The following USP39 variants were observed in gnomAD, a reference collection of about 807,000 sequenced individuals.
USP39 encodes ubiquitin carboxyl-terminal hydrolase 39.
USP39 carries 38 observed loss-of-function variants against 66.4 expected under a neutral mutation model. The observed-to-expected ratio is 0.57, with a 90% CI of 0.44 to 0.75. The LOEUF is 0.75. USP39 is among the 30% of genes least tolerant of loss of function. The pLI, the probability that USP39 is intolerant of heterozygous loss-of-function variation, is 0.00. For synonymous variants in USP39, 303 were observed against 274.6 expected (o/e 1.10, Z -1.02); for missense variants, 608 against 714.4 (o/e 0.85, Z 1.70).
chr2:85,631,458 G>A (rs943248121), intron 6 of USP39, among the ~76,000 whole-genome samples: 2 of 151,824 alleles, frequency 1.3e-5, no homozygotes, highest in African/African-American at 4.8e-5. Flanking sequence ...ATGATTACAG[G>A]CATGAGCCAC....
chr2:85,630,782 T>C lies in USP39; in HGVS notation c.785T>C (p.Ile262Thr). 1 of 1,614,200 alleles carries C rather than the reference T, an allele frequency of 6.2e-7. No homozygotes were observed. The change falls in exon 6 of 13, where the codon ATC becomes ACC. Residue 262 changes from isoleucine to threonine, a missense_variant. Around this residue, in one of 6 missense-constraint regions of USP39, gnomAD observed 33 missense variants for 21.7 expected, o/e 1.52. Coordinates refer to ENST00000323701, the MANE Select transcript of USP39 (RefSeq NM_006590.4). ...CTGGAAGAAGACAATTATAAGAACATCAAACGTCCTCCAGGGGATATCATG... is the reference window on the plus strand; with the variant it reads ...CTGGAAGAAGACAATTATAAGAACACCAAACGTCCTCCAGGGGATATCATG... ...YFLEEDNYKN[I>T]KRPPGDIMFL...
chr2:85,621,619 A>G (rs779538974), intron 3 of USP39, 40 bp downstream of exon 3: 1 of 1,425,800 alleles, frequency 7.0e-7, no homozygotes. Context: ...TCTGCTCCAG[A>G]GGGACTTTTT....
chr2:85,641,163 G>T lies in USP39; in HGVS notation c.1427+45G>T, dbSNP rs375433283. 1.0e-5 allele frequency: 16 copies of T among 1,604,230 alleles called. No homozygotes were observed. The South Asian group carries it at 1.8e-4, about 18-fold the overall frequency. On this transcript the variant is annotated intron_variant, in intron 10 of 12. Transcript: ENST00000323701. ...ACTTCTCTCACGGGGAGTGAACCTG[G>T]ATTTCTTCTCTTGTATTTTTACCAG...
rs763297712 is a variant in USP39, at chr2:85,645,051, G to A, written c.1531G>A (p.Glu511Lys). Residue 511 changes from glutamate to lysine, a missense_variant, in exon 11 of 13, where the codon GAG (glutamate) becomes AAG (lysine). Glu to Lys is a moderately conservative substitution (Grantham distance 56). Transcript: ENST00000323701. Reference sequence around the variant, plus strand: ...CATCGTGCATGACGGCAAGCCCTCCGAGGGCTCCTACCGGATCCACGTGCT... The same window carrying A: ...CATCGTGCATGACGGCAAGCCCTCCAAGGGCTCCTACCGGATCCACGTGCT... ...ANIVHDGKPS[E>K]GSYRIHVLHH... The A allele has an allele frequency of 1.9e-5, 31 of 1,613,938 alleles. No individual in the cohort carries two copies. The highest frequency in any genetic ancestry group is 5.3e-5 in the African/African-American group (4 of 74,892).
At position 85,621,522 on chromosome 2, in the gene USP39, A is replaced by G. The variant is rs1450929860; in HGVS notation, c.376A>G (p.Ile126Val). 5 of 1,613,876 alleles carry G rather than the reference A, an allele frequency of 3.1e-6. No homozygotes were observed. The highest frequency in any genetic ancestry group is 3.4e-6 in the Non-Finnish European group (4 of 1,179,984). Residue 126 changes from isoleucine to valine, a missense_variant, in exon 3 of 13, where the codon ATC (isoleucine) becomes GTC (valine). By Grantham distance (29) the Ile-to-Val change is conservative. This residue lies in a region of USP39 where 115 missense variants were observed against 198.6 expected (regional missense o/e 0.58). Coordinates refer to ENST00000323701, the MANE Select transcript of USP39 (RefSeq NM_006590.4). ...CTTTGACTTTGAGAAACTGTGTTCT[A>G]TCTCCCTCTCACACATCAATGCTTA... Reference protein sequence around the residue: ...LDFDFEKLCSISLSHINAYAC... With the variant: ...LDFDFEKLCSVSLSHINAYAC...
At chr2:85,607,560 C>G (rs1033449237), upstream of USP39, 4 of 152,208 alleles carry the variant, frequency 2.6e-5, no homozygotes, top group African/African-American at 9.7e-5. Flanking sequence ...ATTCCTTTGG[C>G]ATTGCGAGCT....
chr2:85,638,955 A>T (rs1048394640), intron 8 of USP39, among the ~76,000 whole-genome samples: 23 of 151,896 alleles, frequency 1.5e-4, no homozygotes, highest in Admixed American at 9.2e-4. Context: ...TACAGCCGTG[A>T]GCCATCACAC....
chr2:85,648,845 C>A lies in USP39; in HGVS notation c.*37C>A. On this transcript the variant is annotated 3_prime_UTR_variant, in exon 13 of 13. Coordinates refer to ENST00000323701, the MANE Select transcript of USP39 (RefSeq NM_006590.4). ...AGGGCTTTGCTCCCAAGGGCTGTGGCTGATGATGGTAAATAAGAACACAGA... is the reference window on the plus strand; with the variant it reads ...AGGGCTTTGCTCCCAAGGGCTGTGGATGATGATGGTAAATAAGAACACAGA... The A allele has an allele frequency of 6.2e-7, 1 of 1,612,000 alleles. No homozygotes were observed. The highest frequency in any genetic ancestry group is 8.5e-7 in the Non-Finnish European group (1 of 1,178,914).
chr2:85,627,476 G>C (rs558039066), intron 5 of USP39, among the ~76,000 whole-genome samples: 2 of 152,014 alleles, frequency 1.3e-5, no homozygotes, highest in African/African-American at 4.8e-5. Context: ...ATAAACACAG[G>C]CTTATTGGGG....
chr2:85,603,922 G>A (rs999099652), intron 1 of USP39, among the ~76,000 whole-genome samples: 1 of 152,178 alleles, frequency 6.6e-6, no homozygotes, highest in African/African-American at 2.4e-5. Context: ...TGCAAGGGTG[G>A]AAATACTTTC....
chr2:85,614,370 C>T (rs914948023), upstream of USP39, among the ~76,000 whole-genome samples: 26 of 151,964 alleles, frequency 1.7e-4, no homozygotes, highest in Admixed American at 9.2e-4. Context: ...AAAAATTAGC[C>T]GGGCATGGTG....
rs900244489 is a variant in USP39 at position 85,633,982 on chromosome 2, C to T, written c.950-2071C>T. On this transcript the variant is annotated intron_variant, in intron 6 of 12. Transcript: ENST00000323701. ...CCTCCCAAGTAGCTGGGACTACAGG[C>T]GCCCGCCACTACGCCCGGCTAATTT... Among the ~76,000 whole-genome samples the T allele has an allele frequency of 7.5e-4, 112 of 149,218 alleles. 1 individual carries two copies. The highest frequency in any genetic ancestry group is 1.9e-4 in the Non-Finnish European group (13 of 66,982).
Position 85,648,884 on chromosome 2 carries a change from C to T in USP39, c.*76C>T. 1 of 1,578,496 alleles carries T rather than the reference C, an allele frequency of 6.3e-7. No individual in the cohort carries two copies. The highest frequency in any genetic ancestry group is 1.1e-5 in the South Asian group (1 of 89,964). The stretch of plus-strand genomic sequence containing the variant: ...TAAGAACACAGAAGCTGTAGCTGAA[C>T]ACAGGCTGGCTGGTGGGCTTCCTAG... On this transcript the variant is annotated 3_prime_UTR_variant, in exon 13 of 13. Transcript: ENST00000323701.
chr2:85,639,092 C>G (rs1425227782), intron 8 of USP39, 111 bp from the exon 9 acceptor site: 18 of 1,158,906 alleles, frequency 1.6e-5, no homozygotes, highest in Non-Finnish European at 2.1e-5. Context: ...TCGGGCACTT[C>G]TCTTTGTTCT....
intron 10 of USP39, among the ~76,000 whole-genome samples, chr2:85,641,907 T>TA (rs759697072): frequency 0.021 from 1,872 of 91,244 alleles, 72 homozygotes; most frequent in African/African-American, 0.061. Flanking sequence ...GTGACTGTGC[T>TA]AAAAAAAAAA....
chr2:85,640,003 C>T (rs1235423577), intron 9 of USP39, among the ~76,000 whole-genome samples: 1 of 152,084 alleles, frequency 6.6e-6, no homozygotes, highest in Non-Finnish European at 1.5e-5. Context: ...ACCTCAGCAT[C>T]CTAAGTAGCT....
chr2:85,620,246 T>C (rs1333629511), intron 2 of USP39, among the ~76,000 whole-genome samples: 1 of 151,920 alleles, frequency 6.6e-6, no homozygotes, highest in Non-Finnish European at 1.5e-5. Context: ...TTTGGGAGGC[T>C]GAGGCAGGCA....
chr2:85,644,916 G>T, intron 10 of USP39, 32 bp from the exon 11 acceptor site: 2 of 1,613,150 alleles, frequency 1.2e-6, no homozygotes, highest in South Asian at 2.2e-5. Context: ...GCCTTTGTCT[G>T]ATTATTCCGG....
intron 3 of USP39, among the ~76,000 whole-genome samples, chr2:85,623,354 G>T (rs997778554): frequency 5.4e-5 from 8 of 148,794 alleles, no homozygotes; most frequent in Non-Finnish European, 3.0e-5. Context: ...ATTATATATA[G>T]ATATATATAT....
Sources: gnomAD v4.1 joint callset for allele counts (sites outside exome capture counted in the v4.1 genomes callset) on GRCh38, gnomAD v4.1.1 for gene constraint, gnomAD v4.1.1 regional missense constraint, MANE v1.5 for transcripts, NCBI Gene and HGNC (gene_info 2026-07-23, HGNC 2026-07-21) for gene names.